The following IL13RA1 variants were observed in gnomAD, a reference collection of about 807,000 sequenced individuals.
IL13RA1 encodes interleukin-13 receptor subunit alpha-1.
Under a neutral mutation model 33.8 loss-of-function variants are expected in IL13RA1, and 14 were observed. The observed-to-expected ratio is 0.41, with a 90% confidence interval of 0.27 to 0.65. The LOEUF (loss-of-function observed/expected upper bound fraction) is 0.65, where lower values mean the gene tolerates loss of function less well. Among genes scored for constraint, IL13RA1 ranks in the 30% least tolerant of loss-of-function variants. The pLI is 0.28. For synonymous variants in IL13RA1, 116 were observed against 115.7 expected, an observed-to-expected ratio of 1.00 and a Z score of -0.02; for missense variants, 313 against 327.0, an observed-to-expected ratio of 0.96 and a Z score of 0.33.
At chrX:118,765,361 C>A (rs754167520) in intron 6 of IL13RA1, among the ~76,000 whole-genome samples, 4 of 110,375 alleles carry the variant, frequency 3.6e-5, no homozygotes, top group Non-Finnish European at 5.7e-5. Context: ...CCACCCTCCT[C>A]AGCCTCCCAA....
At chrX:118,794,851 A>T (rs2018016625), downstream of IL13RA1, among the ~76,000 whole-genome samples, 1 of 111,804 alleles carries the variant, frequency 8.9e-6, no homozygotes, top group African/African-American at 3.3e-5. Flanking sequence ...AGTGGAATGC[A>T]ATATGATTAA....
chrX:118,798,478 G>A (rs892311596), downstream of IL13RA1, among the ~76,000 whole-genome samples: 3 of 111,499 alleles, frequency 2.7e-5, no homozygotes, highest in African/African-American at 9.8e-5. Context: ...AACATGTTAG[G>A]TAATCCATGA....
At chrX:118,795,449 T>C (rs1474361767), downstream of IL13RA1, among the ~76,000 whole-genome samples, 2 of 111,015 alleles carry the variant, frequency 1.8e-5, no homozygotes, top group Admixed American at 9.6e-5. Context: ...GTGAGGGTGC[T>C]GATCTTGGTC....
intron 4 of IL13RA1, among the ~76,000 whole-genome samples, chrX:118,755,687 C>T (rs2017522416): frequency 8.9e-6 from 1 of 112,080 alleles, no homozygotes; most frequent in Non-Finnish European, 1.9e-5. Context: ...AAAAAGGGAT[C>T]AAGAAGATTG....
chrX:118,784,139 A>ATACGTATATATG (rs1569459448), intron 10 of IL13RA1, among the ~76,000 whole-genome samples: 43 of 59,976 alleles, frequency 7.2e-4, no homozygotes, highest in African/African-American at 3.4e-3. Context: ...GTATATATAT[A>ATACGTATATATG]TATATATACG....
chrX:118,746,932 T>G, intron 2 of IL13RA1, 22 bp from the exon 3 acceptor site: 4 of 1,142,372 alleles, frequency 3.5e-6, no homozygotes, highest in Non-Finnish European at 4.8e-6. Flanking sequence ...AAGCAATGCC[T>G]TTTTCAATTT....
At chrX:118,739,467 C>T (rs771379557) in intron 1 of IL13RA1, among the ~76,000 whole-genome samples, 4 of 112,063 alleles carry the variant, frequency 3.6e-5, no homozygotes, top group African/African-American at 1.3e-4. Context: ...AGATTTAACT[C>T]TATCATTTGG....
At chrX:118,789,506 G>A (rs1486303271) in intron 10 of IL13RA1, among the ~76,000 whole-genome samples, 2 of 111,728 alleles carry the variant, frequency 1.8e-5, no homozygotes, top group Non-Finnish European at 3.8e-5. Flanking sequence ...TTTTTCCCAA[G>A]TTTATTGGCT....
chrX:118,783,247 G>T (rs1287869101), intron 10 of IL13RA1, among the ~76,000 whole-genome samples: 4 of 111,909 alleles, frequency 3.6e-5, no homozygotes, highest in Admixed American at 1.9e-4. Context: ...AAAGCCAGTT[G>T]TGTAAGCCCC....
intron 1 of IL13RA1, among the ~76,000 whole-genome samples, chrX:118,740,426 C>T (rs369882218): frequency 2.7e-5 from 3 of 112,308 alleles, no homozygotes; most frequent in Non-Finnish European, 3.8e-5. Flanking sequence ...CCAGCTCTGC[C>T]GTTTACTGTA....
chrX:118,768,011 G>T (rs1349630388), intron 8 of IL13RA1, among the ~76,000 whole-genome samples: 1 of 111,624 alleles, frequency 9.0e-6, no homozygotes, highest in Non-Finnish European at 1.9e-5. Flanking sequence ...TCAAAACTTG[G>T]CAAGGAACAA....
At chrX:118,790,404 T>C (rs2017963046) in intron 10 of IL13RA1, among the ~76,000 whole-genome samples, 1 of 112,351 alleles carries the variant, frequency 8.9e-6, no homozygotes, top group African/African-American at 3.2e-5. Context: ...ACATCAGAGT[T>C]GTATCTAGTT....
At chrX:118,754,615 C>A (rs1323328011) in intron 4 of IL13RA1, among the ~76,000 whole-genome samples, 4 of 105,541 alleles carry the variant, frequency 3.8e-5, no homozygotes, top group Non-Finnish European at 7.8e-5. Flanking sequence ...CCAGTCTGGG[C>A]AACAGAGCAA....
At chrX:118,800,690 G>A in the IL13RA1 span, among the ~76,000 whole-genome samples, 1 of 111,194 alleles carries the variant, frequency 9.0e-6, no homozygotes, top group Non-Finnish European at 1.9e-5. Flanking sequence ...CTGCAGCCTC[G>A]ACCTTCCGGG....
chrX:118,796,697 G>A (rs1182905246), downstream of IL13RA1, among the ~76,000 whole-genome samples: 2 of 111,226 alleles, frequency 1.8e-5, no homozygotes, highest in Admixed American at 1.9e-4. Context: ...CACCACGCCC[G>A]GCTAATGTTT....
At chrX:118,761,073 G>A (rs2017585375) in intron 5 of IL13RA1, 65 bp from the exon 6 acceptor site, 1 of 488,817 alleles carries the variant, frequency 2.0e-6, no homozygotes, top group Admixed American at 3.9e-5. Context: ...ATGGAGGGCC[G>A]ACTGTGTGTT....
At chrX:118,740,841 G>C (rs1240930363) in intron 1 of IL13RA1, among the ~76,000 whole-genome samples, 176 bp from the exon 2 acceptor site, 1 of 112,416 alleles carries the variant, frequency 8.9e-6, no homozygotes, top group South Asian at 3.7e-4. Context: ...CAAGATTGTT[G>C]TGAGGATTAA....
chrX:118,781,512 T>A (rs1042560922), intron 10 of IL13RA1, among the ~76,000 whole-genome samples: 1 of 111,164 alleles, frequency 9.0e-6, no homozygotes, highest in African/African-American at 3.3e-5. Flanking sequence ...CCACCATGCC[T>A]GGCTAATTTT....
chrX:118,733,752 A>C (rs2266030), intron 1 of IL13RA1, among the ~76,000 whole-genome samples: 18,903 of 110,979 alleles, frequency 0.17, 1,486 homozygotes, highest in East Asian at 0.4. Context: ...TTATAGTTTT[A>C]GTCTTAAAAT....
Sources: gnomAD v4.1 joint callset for allele counts (sites outside exome capture counted in the v4.1 genomes callset) on GRCh38, gnomAD v4.1.1 for gene constraint, MANE v1.5 for transcripts, NCBI Gene and HGNC (gene_info 2026-07-23, HGNC 2026-07-21) for gene names.